The following PCBP3 variants were observed in gnomAD, a reference collection of about 807,000 sequenced individuals.
PCBP3 encodes poly(rC)-binding protein 3.
A neutral mutation model predicts 52.7 loss-of-function variants in PCBP3; 25 were observed. That is an observed-to-expected ratio of 0.47 (90% confidence interval 0.35 to 0.66). PCBP3 has a LOEUF of 0.66. Among genes scored for constraint, PCBP3 ranks in the 30% least tolerant of loss-of-function variants. The probability of loss-of-function intolerance (pLI) is 0.01; values close to 1 mark genes in which losing one functional copy is unlikely to be tolerated. For missense variants in PCBP3, 391 were observed against 490.3 expected (o/e 0.80, Z 1.91); for synonymous variants, 162 against 183.0 (o/e 0.89, Z 0.93).
intron 5 of PCBP3, among the ~76,000 whole-genome samples, chr21:45,873,561 G>A (rs373080098): frequency 6.6e-6 from 1 of 152,084 alleles, no homozygotes; most frequent in African/African-American, 2.4e-5. Context: ...TCTTTCAGAC[G>A]CTGTGTCGTT....
chr21:45,645,513 T>C (rs2079195577), intron 1 of PCBP3, among the ~76,000 whole-genome samples: 1 of 152,226 alleles, frequency 6.6e-6, no homozygotes, highest in Non-Finnish European at 1.5e-5. Flanking sequence ...ATAATGCTCA[T>C]GGTGGGGGAA....
In PCBP3 at chr21:45,900,577, A is replaced by C; in HGVS notation, c.190-14A>C. On this transcript the variant is annotated splice_polypyrimidine_tract_variant and intron_variant, in intron 7 of 17. Coordinates refer to ENST00000681687, the MANE Select transcript of PCBP3 (RefSeq NM_001384156.1). ...AGGGATACCTTTTCCTTATTGTCTAAATCTTTATTCCAGAAAGGAGAAACT... is the reference window on the plus strand; with the variant it reads ...AGGGATACCTTTTCCTTATTGTCTACATCTTTATTCCAGAAAGGAGAAACT... 6.2e-7 allele frequency: 1 copy of C among 1,609,484 alleles called. No homozygotes were observed. The highest frequency in any genetic ancestry group is 8.5e-7 in the Non-Finnish European group (1 of 1,176,634).
In PCBP3 at chr21:45,928,509, C is replaced by T. The variant is rs936297929; in HGVS notation, c.718-1408C>T. ...TCCTGAGAGGCCAAGTTCAAACCCACCCAGGAGCACACAGCTGGGAAGGCG... is the reference window on the plus strand; with the variant it reads ...TCCTGAGAGGCCAAGTTCAAACCCATCCAGGAGCACACAGCTGGGAAGGCG... On this transcript the variant is annotated intron_variant, in intron 13 of 17. Transcript: ENST00000681687. The surrounding 1 kb of genome is among the most constrained non-coding windows in gnomAD (Gnocchi z 4.1). 1.3e-5 allele frequency among the ~76,000 whole-genome samples: 2 copies of T among 152,176 alleles called. No homozygotes were observed. Among genetic ancestry groups the T allele is most frequent in the East Asian group, 1.9e-4 (1 of 5,178 alleles).
intron 4 of PCBP3, among the ~76,000 whole-genome samples, chr21:45,767,385 T>C (rs2089444618): frequency 6.6e-6 from 1 of 152,270 alleles, no homozygotes; most frequent in Admixed American, 6.5e-5. Flanking sequence ...ATTTCATTCC[T>C]TTTTATGGCT....
chr21:45,745,613 G>A (rs1344704017), intron 3 of PCBP3, among the ~76,000 whole-genome samples: 1 of 152,256 alleles, frequency 6.6e-6, no homozygotes, highest in Non-Finnish European at 1.5e-5. Context: ...TGGTATCTGA[G>A]ACCAGGTGTG....
rs1042201543 is a variant in PCBP3 at position 45,754,697 on chromosome 21, C to G, written c.-161-720C>G. 5.3e-5 allele frequency among the ~76,000 whole-genome samples: 8 copies of G among 152,314 alleles called. No homozygotes were observed. In the East Asian group the frequency reaches 9.6e-4, roughly 18 times the overall value. The stretch of plus-strand genomic sequence containing the variant: ...AAATCTAGTAACAGAGAAGCTAATA[C>G]TAGCTCCTGCTCCTCTGGGTTGAAA... On this transcript the variant is annotated intron_variant, in intron 3 of 17. Transcript: ENST00000681687.
intron 13 of PCBP3, among the ~76,000 whole-genome samples, chr21:45,921,714 G>A (rs1029805913): frequency 1.3e-5 from 2 of 152,198 alleles, no homozygotes; most frequent in Admixed American, 6.5e-5. Context: ...AGCTACCCGG[G>A]AGGCTGAGGC....
chr21:45,743,763 G>T (rs2086622876), intron 3 of PCBP3, among the ~76,000 whole-genome samples: 1 of 152,000 alleles, frequency 6.6e-6, no homozygotes, highest in Admixed American at 6.6e-5. Context: ...GCTCTATAAG[G>T]TTCTTTTTTT....
chr21:45,891,244 C>G (rs1335539186), intron 5 of PCBP3, among the ~76,000 whole-genome samples: 1 of 152,228 alleles, frequency 6.6e-6, no homozygotes, highest in Non-Finnish European at 1.5e-5. Context: ...AACCGTTGTG[C>G]TCCTAGGTGG....
intron 5 of PCBP3, among the ~76,000 whole-genome samples, chr21:45,873,716 G>A (rs948739836): frequency 2.0e-5 from 3 of 152,202 alleles, no homozygotes; most frequent in Non-Finnish European, 4.4e-5. Context: ...ATGTCTGTGC[G>A]CACCTGTTTT....
At chr21:45,862,446 T>C (rs936081030) in intron 5 of PCBP3, among the ~76,000 whole-genome samples, 1 of 152,148 alleles carries the variant, frequency 6.6e-6, no homozygotes, top group African/African-American at 2.4e-5. Flanking sequence ...TAAAAAGATA[T>C]AAAAACACAG....
At chr21:45,689,171 G>C (rs1187067925) in intron 2 of PCBP3, among the ~76,000 whole-genome samples, 4 of 151,910 alleles carry the variant, frequency 2.6e-5, no homozygotes, top group African/African-American at 9.7e-5. Context: ...AGATATAAAA[G>C]TCCTTAATCA....
At chr21:45,729,149 A>G (rs1431700389) in intron 2 of PCBP3, among the ~76,000 whole-genome samples, 1 of 152,150 alleles carries the variant, frequency 6.6e-6, no homozygotes, top group African/African-American at 2.4e-5. Context: ...TAGATATTTC[A>G]TCTGAAGAAA....
chr21:45,833,035 A>G (rs1311798769), intron 4 of PCBP3, among the ~76,000 whole-genome samples: 1 of 152,084 alleles, frequency 6.6e-6, no homozygotes, highest in Non-Finnish European at 1.5e-5. Context: ...GGGAATTACA[A>G]TTCAAGATGA....
chr21:45,709,367 G>A (rs1603299545), intron 2 of PCBP3, among the ~76,000 whole-genome samples: 1 of 152,122 alleles, frequency 6.6e-6, no homozygotes, highest in Non-Finnish European at 1.5e-5. Context: ...GCATCTAACT[G>A]GGTGCCTCAA....
chr21:45,726,568 T>G (rs1318287137), intron 2 of PCBP3, among the ~76,000 whole-genome samples: 3 of 152,116 alleles, frequency 2.0e-5, no homozygotes, highest in Non-Finnish European at 4.4e-5. Context: ...CCCCTGTCAG[T>G]GGGTTGCAGG....
chr21:45,816,793 A>C (rs2092977898), intron 4 of PCBP3, among the ~76,000 whole-genome samples: 1 of 151,338 alleles, frequency 6.6e-6, no homozygotes, highest in African/African-American at 2.4e-5. Context: ...TGGTAAAAAT[A>C]TAGTATAGTA....
At chr21:45,781,753 A>AT (rs2090649603) in intron 4 of PCBP3, among the ~76,000 whole-genome samples, 1 of 152,248 alleles carries the variant, frequency 6.6e-6, no homozygotes, top group Non-Finnish European at 1.5e-5. Context: ...GTACATCTAT[A>AT]TAATGGAATA....
chr21:45,842,339 A>G (rs978713943), intron 4 of PCBP3, among the ~76,000 whole-genome samples: 1 of 152,148 alleles, frequency 6.6e-6, no homozygotes, highest in South Asian at 2.1e-4. Flanking sequence ...CATAAATTCA[A>G]TTGCTTTAAT....
Sources: gnomAD v4.1 joint callset for allele counts (sites outside exome capture counted in the v4.1 genomes callset) on GRCh38, gnomAD v4.1.1 for gene constraint, Gnocchi (gnomAD v3.1) non-coding constraint, MANE v1.5 for transcripts, NCBI Gene and HGNC (gene_info 2026-07-23, HGNC 2026-07-21) for gene names.